The following CLNK variants were observed in gnomAD, a reference collection of about 807,000 sequenced individuals.
The protein encoded by CLNK is cytokine-dependent hematopoietic cell linker.
A neutral mutation model predicts 68.6 loss-of-function variants in CLNK; 74 were observed. The observed-to-expected ratio is 1.08, with a 90% CI of 0.89 to 1.31. The LOEUF is 1.31. Among genes scored for constraint, CLNK ranks in the 50% most tolerant of loss-of-function variants. The probability of loss-of-function intolerance (pLI) is 0.00; values close to 1 mark genes in which losing one functional copy is unlikely to be tolerated. For missense variants in CLNK, 553 were observed against 515.3 expected, an observed-to-expected ratio of 1.07 and a Z score of -0.71; for synonymous variants, 198 against 172.2, an observed-to-expected ratio of 1.15 and a Z score of -1.17.
chr4:10,603,795 G>A (rs1348356737), intron 2 of CLNK, among the ~76,000 whole-genome samples: 2 of 152,204 alleles, frequency 1.3e-5, no homozygotes, highest in Non-Finnish European at 2.9e-5. Context: ...ATCCTGCTCA[G>A]CCAAGGCAAT....
intron 3 of CLNK, among the ~76,000 whole-genome samples, chr4:10,594,603 C>T (rs984535597): frequency 2.0e-5 from 3 of 152,188 alleles, no homozygotes; most frequent in African/African-American, 7.2e-5. Flanking sequence ...GCTACCAGGC[C>T]TCACTGTTAT....
At chr4:10,666,716 C>T (rs186786976) in intron 2 of CLNK, among the ~76,000 whole-genome samples, 1 of 152,356 alleles carries the variant, frequency 6.6e-6, no homozygotes, top group African/African-American at 2.4e-5. Context: ...GCTTGATTAG[C>T]TTAATTCTCA....
the CLNK span, among the ~76,000 whole-genome samples, chr4:10,691,146 C>T: frequency 1.3e-5 from 2 of 151,982 alleles, no homozygotes; most frequent in Non-Finnish European, 2.9e-5. Context: ...GAAGAATTAG[C>T]TTTGGGGGTC....
chr4:10,538,218 C>T (rs1357859334), intron 11 of CLNK, among the ~76,000 whole-genome samples: 1 of 152,144 alleles, frequency 6.6e-6, no homozygotes, highest in Admixed American at 6.5e-5. Context: ...CAACCCTTGC[C>T]TCCTAGGTTA....
intron 2 of CLNK, among the ~76,000 whole-genome samples, chr4:10,644,822 T>A (rs1462118772): frequency 6.6e-6 from 1 of 152,228 alleles, no homozygotes; most frequent in Non-Finnish European, 1.5e-5. Context: ...TGCTTCTCAA[T>A]TCCTGCCCTG....
At chr4:10,623,153 A>G (rs1161288501) in intron 2 of CLNK, among the ~76,000 whole-genome samples, 1 of 152,204 alleles carries the variant, frequency 6.6e-6, no homozygotes, top group African/African-American at 2.4e-5. Context: ...TACAGTTCTC[A>G]TTCCAGAAAA....
chr4:10,687,365 C>T (rs900328655), upstream of CLNK, among the ~76,000 whole-genome samples: 2 of 152,094 alleles, frequency 1.3e-5, no homozygotes. Context: ...TCTGTGAATT[C>T]AGACCAGATT....
chr4:10,642,433 G>A (rs1040313886), intron 2 of CLNK, among the ~76,000 whole-genome samples: 3 of 152,166 alleles, frequency 2.0e-5, no homozygotes, highest in Non-Finnish European at 4.4e-5. Flanking sequence ...TTTTTCTGGA[G>A]AGTCATTTAA....
chr4:10,694,823 G>T, the CLNK span, among the ~76,000 whole-genome samples: 1 of 152,232 alleles, frequency 6.6e-6, no homozygotes, highest in South Asian at 2.1e-4. Flanking sequence ...TTCTGTACCT[G>T]GCTTATTTCA....
intron 13 of CLNK, among the ~76,000 whole-genome samples, chr4:10,526,364 G>A (rs982328386): frequency 9.9e-5 from 15 of 152,202 alleles, no homozygotes; most frequent in Admixed American, 8.5e-4. Flanking sequence ...GACATGGTTC[G>A]TACATTCTAA....
At chr4:10,585,415 A>G (rs527305538) in intron 3 of CLNK, among the ~76,000 whole-genome samples, 31 of 152,326 alleles carry the variant, frequency 2.0e-4, no homozygotes, top group Admixed American at 3.9e-4. Flanking sequence ...AATGTAGCCA[A>G]CTGTTCGAAC....
At position 10,488,619 on chromosome 4, in the gene CLNK, G is replaced by A. The variant is rs192721490; in HGVS notation, c.*1848C>T. Reference sequence around the variant, plus strand: ...GCAGGCATACTCTACGATAGGCTCAGCTGGGTCTCAAAAGTTCCAGCTTTA... The same window carrying A: ...GCAGGCATACTCTACGATAGGCTCAACTGGGTCTCAAAAGTTCCAGCTTTA... On this transcript the variant is annotated 3_prime_UTR_variant, in exon 19 of 19. Transcript: ENST00000226951. 6.6e-6 allele frequency: 1 copy of A among 152,356 alleles called. No individual in the cohort carries two copies. Among genetic ancestry groups the A allele is most frequent in the African/African-American group, 2.4e-5 (1 of 41,584 alleles). The allele number at this position is 152,356 out of a possible 1,614,324, so 9.4% of individuals were successfully genotyped here. A position where few individuals can be genotyped will look rare whatever the true frequency, so the allele number is the denominator to read the frequency against.
the CLNK span, among the ~76,000 whole-genome samples, chr4:10,699,293 C>CACACCCACCACATACGTGTGTGTAT: frequency 6.4e-5 from 1 of 15,664 alleles, no homozygotes; most frequent in African/African-American, 1.8e-4. Context: ...TACGTGTATA[C>CACACCCACCACATACGTGTGTGTAT]ACACACACAC....
chr4:10,590,509 C>T (rs552561163), intron 3 of CLNK, among the ~76,000 whole-genome samples: 7 of 152,166 alleles, frequency 4.6e-5, no homozygotes, highest in Non-Finnish European at 8.8e-5. Context: ...TCTCCCCAGG[C>T]ACCGACTGTT....
At chr4:10,533,712 G>A (rs1718639832) in intron 11 of CLNK, among the ~76,000 whole-genome samples, 1 of 152,176 alleles carries the variant, frequency 6.6e-6, no homozygotes, top group African/African-American at 2.4e-5. Context: ...TTAAAATGTG[G>A]CTAATCTCAG....
At chr4:10,619,461 A>C (rs1722345785) in intron 2 of CLNK, among the ~76,000 whole-genome samples, 1 of 152,122 alleles carries the variant, frequency 6.6e-6, no homozygotes, top group African/African-American at 2.4e-5. Context: ...AAATAAAATG[A>C]AATGTTTTGA....
At chr4:10,609,124 G>T (rs1224157958) in intron 2 of CLNK, among the ~76,000 whole-genome samples, 1 of 152,236 alleles carries the variant, frequency 6.6e-6, no homozygotes, top group Non-Finnish European at 1.5e-5. Flanking sequence ...CCCTCGTGAA[G>T]CTGACAGCCA....
intron 2 of CLNK, among the ~76,000 whole-genome samples, chr4:10,613,954 C>T (rs1159275078): frequency 6.6e-6 from 1 of 152,222 alleles, no homozygotes; most frequent in African/African-American, 2.4e-5. Flanking sequence ...AAGCAGGGAG[C>T]CAGGTGCTGA....
chr4:10,511,509 A>G (rs1209502696), intron 16 of CLNK, among the ~76,000 whole-genome samples: 1 of 152,094 alleles, frequency 6.6e-6, no homozygotes, highest in African/African-American at 2.4e-5. Context: ...TTAAAGAATA[A>G]CTCTCCATTA....
Sources: gnomAD v4.1 joint callset for allele counts (sites outside exome capture counted in the v4.1 genomes callset) on GRCh38, gnomAD v4.1.1 for gene constraint, MANE v1.5 for transcripts, NCBI Gene and HGNC (gene_info 2026-07-23, HGNC 2026-07-21) for gene names.